The following SRBD1 variants were observed in gnomAD, a reference collection of about 807,000 sequenced individuals.
SRBD1 encodes S1 RNA binding domain 1.
SRBD1 carries 88 observed loss-of-function variants against 115.3 expected under a neutral mutation model. The observed-to-expected ratio is 0.76, with a 90% CI of 0.64 to 0.91. The LOEUF (loss-of-function observed/expected upper bound fraction) is 0.91. SRBD1 is among the 40% of genes least tolerant of loss of function. SRBD1 has a pLI of 0.00. For synonymous variants in SRBD1, 509 were observed against 407.7 expected (o/e 1.25, Z -2.99); for missense variants, 1,385 against 1,177.4 (o/e 1.18, Z -2.58).
intron 16 of SRBD1, among the ~76,000 whole-genome samples, chr2:45,467,875 T>C (rs1277872617): frequency 1.3e-5 from 2 of 152,162 alleles, no homozygotes; most frequent in Non-Finnish European, 2.9e-5. Flanking sequence ...TAAAACCAAC[T>C]GAAAGCCAAA....
At chr2:45,459,732 T>C (rs994596325) in intron 16 of SRBD1, among the ~76,000 whole-genome samples, 3 of 152,150 alleles carry the variant, frequency 2.0e-5, no homozygotes, top group African/African-American at 7.2e-5. Context: ...GGTATCCTTA[T>C]CTTATTTTCC....
intron 20 of SRBD1, among the ~76,000 whole-genome samples, chr2:45,390,709 T>C (rs1470216926): frequency 6.6e-6 from 1 of 152,208 alleles, no homozygotes; most frequent in African/African-American, 2.4e-5. Context: ...GTTAAAGCTA[T>C]CCTTTACATT....
intron 10 of SRBD1, among the ~76,000 whole-genome samples, chr2:45,562,161 A>G (rs1672684474): frequency 6.6e-6 from 1 of 152,088 alleles, no homozygotes; most frequent in Non-Finnish European, 1.5e-5. Flanking sequence ...ACACATACTT[A>G]TTTTATTATT....
chr2:45,576,032 A>C (rs1673166617), intron 7 of SRBD1, among the ~76,000 whole-genome samples: 1 of 152,050 alleles, frequency 6.6e-6, no homozygotes, highest in Non-Finnish European at 1.5e-5. Context: ...ATTACAATAA[A>C]AGTTGGAACA....
intron 16 of SRBD1, among the ~76,000 whole-genome samples, chr2:45,471,879 T>A (rs1235362633): frequency 2.0e-5 from 3 of 152,154 alleles, no homozygotes; most frequent in Non-Finnish European, 4.4e-5. Context: ...TAATATGCAG[T>A]TATCACATAT....
chr2:45,392,057 A>G (rs1201421597), intron 20 of SRBD1, among the ~76,000 whole-genome samples: 3 of 152,168 alleles, frequency 2.0e-5, no homozygotes, highest in Non-Finnish European at 2.9e-5. Flanking sequence ...GAGGACTACT[A>G]GGAGGCTTCT....
rs140251247 is a variant in SRBD1 at position 45,476,247 on chromosome 2, G to C, written c.2049+746C>G. Among the ~76,000 whole-genome samples, 375 of 152,108 alleles carry C rather than the reference G, an allele frequency of 2.5e-3. 4 individuals carry two copies. The highest frequency in any genetic ancestry group is 8.5e-3 in the African/African-American group (354 of 41,480). ...CTGCCTCTTTTTCTATCAAATGAGG[G>C]GGGTAGGGTTACATGAATTCTAAGG... On this transcript the variant is annotated intron_variant, in intron 16 of 20. Coordinates refer to ENST00000263736, the MANE Select transcript of SRBD1 (RefSeq NM_018079.5).
chr2:45,528,363 A>T (rs1313180428), intron 14 of SRBD1, among the ~76,000 whole-genome samples: 2 of 151,882 alleles, frequency 1.3e-5, no homozygotes, highest in Non-Finnish European at 2.9e-5. Context: ...AATAGGAGAC[A>T]CATTTCAGAG....
intron 16 of SRBD1, among the ~76,000 whole-genome samples, chr2:45,430,689 C>A (rs1026239753): frequency 2.0e-5 from 3 of 152,118 alleles, no homozygotes; most frequent in Admixed American, 1.3e-4. Context: ...ACCATAACAA[C>A]CCTAAAAGAA....
chr2:45,392,174 C>T (rs914623484), intron 20 of SRBD1, among the ~76,000 whole-genome samples: 1 of 152,104 alleles, frequency 6.6e-6, no homozygotes, highest in Non-Finnish European at 1.5e-5. Flanking sequence ...AATGAACTTG[C>T]TGGATGTATT....
At chr2:45,539,609 G>A (rs1572750467) in intron 14 of SRBD1, among the ~76,000 whole-genome samples, 2 of 152,246 alleles carry the variant, frequency 1.3e-5, no homozygotes, top group East Asian at 3.9e-4. Flanking sequence ...GGAACTATAA[G>A]CCATCTGTCT....
At chr2:45,397,550 C>A (rs575958768) in intron 19 of SRBD1, among the ~76,000 whole-genome samples, 8 of 152,182 alleles carry the variant, frequency 5.3e-5, no homozygotes, top group Non-Finnish European at 1.0e-4. Context: ...GCTGTTCTAG[C>A]AGTCAAATCA....
At chr2:45,527,682 A>G (rs1312713811) in intron 14 of SRBD1, among the ~76,000 whole-genome samples, 6 of 151,896 alleles carry the variant, frequency 4.0e-5, no homozygotes, top group African/African-American at 1.4e-4. Flanking sequence ...AGAAAACCCT[A>G]CGAAGTAGAT....
At chr2:45,531,308 A>C (rs1369563899) in intron 14 of SRBD1, among the ~76,000 whole-genome samples, 3 of 151,910 alleles carry the variant, frequency 2.0e-5, no homozygotes, top group African/African-American at 7.2e-5. Context: ...AAGTGAAAAC[A>C]ATATTACAGA....
At chr2:45,547,867 T>C (rs7558185) in intron 12 of SRBD1, among the ~76,000 whole-genome samples, 78,684 of 151,978 alleles carry the variant, frequency 0.52, 20,820 homozygotes, top group African/African-American at 0.55. Flanking sequence ...AAAAGAAAAA[T>C]GGTTTTCACT....
chr2:45,445,331 T>C lies in SRBD1; in HGVS notation c.2050-25437A>G, dbSNP rs140555194. Reference sequence around the variant, plus strand: ...CCATATCCTCCACTGCAAGGAATTTTCTTTTTACCCATTCATCTCTAGTGA... The same window carrying C: ...CCATATCCTCCACTGCAAGGAATTTCCTTTTTACCCATTCATCTCTAGTGA... On this transcript the variant is annotated intron_variant, in intron 16 of 20. Coordinates refer to ENST00000263736, the MANE Select transcript of SRBD1 (RefSeq NM_018079.5). Among the ~76,000 whole-genome samples the C allele has an allele frequency of 4.7e-3, 715 of 152,214 alleles. 5 individuals are homozygous for C. Among genetic ancestry groups the C allele is most frequent in the African/African-American group, 0.017 (689 of 41,538 alleles).
chr2:45,461,544 G>A (rs990164739), intron 16 of SRBD1, among the ~76,000 whole-genome samples: 1 of 152,122 alleles, frequency 6.6e-6, no homozygotes, highest in Non-Finnish European at 1.5e-5. Context: ...TCGTTAGACA[G>A]ACAAGTCCCT....
chr2:45,413,058 T>C, intron 19 of SRBD1, 56 bp downstream of exon 19: 1 of 1,528,640 alleles, frequency 6.5e-7, no homozygotes, highest in Non-Finnish European at 8.8e-7. Context: ...AAAGGCCATT[T>C]GCTGTAAAGA....
chr2:45,567,614 A>G (rs1259302265), intron 9 of SRBD1, among the ~76,000 whole-genome samples: 1 of 152,134 alleles, frequency 6.6e-6, no homozygotes, highest in African/African-American at 2.4e-5. Context: ...GTCTAAGAAA[A>G]AAAAAAAAAA....
Sources: allele counts gnomAD v4.1 joint callset (sites outside exome capture counted in the v4.1 genomes callset), GRCh38; gene constraint gnomAD v4.1.1; transcripts MANE v1.5; gene names NCBI Gene and HGNC (gene_info 2026-07-23, HGNC 2026-07-21).